The following ESCO1 variants were observed in gnomAD, a reference collection of about 807,000 sequenced individuals.
ESCO1 encodes N-acetyltransferase ESCO1.
In ESCO1, 33 loss-of-function variants were observed where a neutral mutation model predicts 83.5. The ratio of observed to expected loss-of-function variants is 0.40; its 90% CI spans 0.30 to 0.53. ESCO1 has a LOEUF of 0.53. ESCO1 is among the 20% of genes least tolerant of loss of function. ESCO1 has a pLI of 0.63. For synonymous variants in ESCO1, 332 were observed against 324.3 expected (o/e 1.02, Z -0.25); for missense variants, 855 against 968.0 (o/e 0.88, Z 1.55).
chr18:21,579,075 G>A (rs1236572481), intron 2 of ESCO1, among the ~76,000 whole-genome samples: 2 of 151,732 alleles, frequency 1.3e-5, no homozygotes, highest in Non-Finnish European at 1.5e-5. Flanking sequence ...TTGGCCAGGC[G>A]GGTCCCGAAC....
At chr18:21,535,225 T>C (rs924547281) in intron 10 of ESCO1, among the ~76,000 whole-genome samples, 2 of 152,000 alleles carry the variant, frequency 1.3e-5, no homozygotes, top group African/African-American at 4.8e-5. Context: ...TGATTTTTTT[T>C]TTTTTTTGAG....
chr18:21,594,265 C>T (rs939595182), intron 1 of ESCO1, among the ~76,000 whole-genome samples: 3 of 152,220 alleles, frequency 2.0e-5, no homozygotes, highest in African/African-American at 7.2e-5. Flanking sequence ...TAGAGCTGTA[C>T]TATTCTCAGC....
chr18:21,580,327 G>A (rs1022940945), intron 2 of ESCO1, among the ~76,000 whole-genome samples: 1 of 152,050 alleles, frequency 6.6e-6, no homozygotes, highest in Non-Finnish European at 1.5e-5. Flanking sequence ...GAAAAATCCT[G>A]ACTACATACA....
chr18:21,599,161 A>G (rs760657428), intron 1 of ESCO1, among the ~76,000 whole-genome samples: 3 of 152,184 alleles, frequency 2.0e-5, no homozygotes, highest in Non-Finnish European at 2.9e-5. Flanking sequence ...ACATGGCGAA[A>G]CGCCGTCTCA....
intron 7 of ESCO1, 125 bp from the exon 8 acceptor site, chr18:21,561,115 G>A: frequency 1.1e-6 from 1 of 885,308 alleles, no homozygotes; most frequent in Non-Finnish European, 1.5e-6. Flanking sequence ...AACATTCAAT[G>A]TTAATTACTA....
At chr18:21,535,459 T>C (rs2037824316) in intron 10 of ESCO1, among the ~76,000 whole-genome samples, 1 of 151,896 alleles carries the variant, frequency 6.6e-6, no homozygotes, top group African/African-American at 2.4e-5. Context: ...CTTGGCTCAC[T>C]GCAACCTCTG....
chr18:21,544,168 G>C (rs1270357455), intron 8 of ESCO1, among the ~76,000 whole-genome samples: 1 of 152,090 alleles, frequency 6.6e-6, no homozygotes, highest in Non-Finnish European at 1.5e-5. Context: ...CAGCTACTTG[G>C]GAGGCTGAGG....
At chr18:21,586,156 A>G (rs558802420) in intron 1 of ESCO1, among the ~76,000 whole-genome samples, 287 of 152,322 alleles carry the variant, frequency 1.9e-3, no homozygotes, top group Non-Finnish European at 3.4e-3. Flanking sequence ...TTTTATAACC[A>G]TTAATCACTT....
intron 2 of ESCO1, 35 bp from the exon 3 acceptor site, chr18:21,575,812 G>A (rs2038412004): frequency 2.5e-6 from 1 of 397,094 alleles, no homozygotes; most frequent in South Asian, 1.3e-4. Context: ...ATGTTCAAAA[G>A]GACAAAGGAA....
In ESCO1 at chr18:21,568,067, G is replaced by C. The variant is rs780205733; in HGVS notation, c.1558C>G (p.Leu520Val). 5 of 1,613,644 alleles carry C rather than the reference G, an allele frequency of 3.1e-6. No individual in the cohort carries two copies. Among genetic ancestry groups the C allele is most frequent in the Admixed American group, 1.7e-5 (1 of 59,968 alleles). ...ACATTTTCCACTGGACTGTTTTCTA[G>C]CTTGGATTCCAAACATTGGCTGAAA... ...KNFSQCLESK[L>V]ENSPVENVTA... The change falls in exon 5 of 12, where the codon CTA (leucine) becomes GTA (valine). Residue 520 changes from leucine to valine, a missense_variant. Leu to Val is a conservative substitution (Grantham distance 32). Around this residue, in one of 2 missense-constraint regions of ESCO1, gnomAD observed 726 missense variants for 699.5 expected, o/e 1.04. Transcript: ENST00000269214.
chr18:21,567,268 T>A (rs1598467138), intron 5 of ESCO1, among the ~76,000 whole-genome samples: 2 of 152,186 alleles, frequency 1.3e-5, no homozygotes, highest in East Asian at 3.8e-4. Context: ...GCAATTCTCC[T>A]GACTCTGCCT....
rs1305812862 is a variant in ESCO1 at position 21,573,428 on chromosome 18, A to G, written c.1416T>C (p.Ile472=). 3 of 1,612,054 alleles carry G rather than the reference A, an allele frequency of 1.9e-6. No individual in the cohort carries two copies. The South Asian group carries it at 3.3e-5, about 18-fold the overall frequency. ...EVKINDITVE[I]NKTTERAPEN... ...CAGGAGCCCTTTCTGTGGTTTTATTAATTTCTACTGTAATATCATTAATTT... is the reference window on the plus strand; with the variant it reads ...CAGGAGCCCTTTCTGTGGTTTTATTGATTTCTACTGTAATATCATTAATTT... The change falls in exon 4 of 12, where the codon ATT becomes ATC. Residue 472 remains isoleucine, a synonymous_variant. Transcript: ENST00000269214.
intron 8 of ESCO1, among the ~76,000 whole-genome samples, chr18:21,553,628 C>T (rs981698493): frequency 4.6e-5 from 7 of 151,804 alleles, no homozygotes; most frequent in Non-Finnish European, 8.8e-5. Flanking sequence ...AAGGCTGAGG[C>T]GGGCGGATCA....
intron 4 of ESCO1, 87 bp downstream of exon 4, chr18:21,573,227 A>C (rs1765785794): frequency 2.2e-5 from 28 of 1,289,282 alleles, no homozygotes; most frequent in Non-Finnish European, 2.9e-5. Context: ...ATCTTTTATG[A>C]CTTCATTCTT....
chr18:21,562,490 A>G (rs1181349166), intron 7 of ESCO1, among the ~76,000 whole-genome samples: 1 of 151,156 alleles, frequency 6.6e-6, no homozygotes, highest in African/African-American at 2.4e-5. Context: ...AAAATTAACA[A>G]TTAGCTGTGT....
intron 8 of ESCO1, among the ~76,000 whole-genome samples, chr18:21,549,871 G>A (rs2038023113): frequency 6.6e-6 from 1 of 151,518 alleles, no homozygotes; most frequent in Non-Finnish European, 1.5e-5. Flanking sequence ...GGAGGCTGAG[G>A]CACGAGAACT....
intron 2 of ESCO1, among the ~76,000 whole-genome samples, chr18:21,577,361 TAA>T (rs1555671990): frequency 7.6e-5 from 4 of 52,952 alleles, no homozygotes; most frequent in Admixed American, 2.5e-4. Context: ...CCATCTTTTT[TAA>T]AAAAAAAAAA....
chr18:21,533,977 A>G (rs1051764266), intron 10 of ESCO1, among the ~76,000 whole-genome samples: 1 of 152,136 alleles, frequency 6.6e-6, no homozygotes, highest in African/African-American at 2.4e-5. Flanking sequence ...ATTCACAGAC[A>G]CAAACATAGC....
chr18:21,557,206 T>C lies in ESCO1; in HGVS notation c.1953+3653A>G, dbSNP rs183981692. Among the ~76,000 whole-genome samples the C allele has an allele frequency of 6.6e-4, 101 of 152,308 alleles. No homozygotes were observed. In the Middle Eastern group the frequency reaches 0.014, roughly 21 times the overall value. On this transcript the variant is annotated intron_variant, in intron 8 of 11. Transcript: ENST00000269214. ...AAAATATTCGAGATTCTTCAAAACT[T>C]AAAAGAACAGAAAGAATAAAGTCCA...
Sources: allele counts gnomAD v4.1 joint callset (sites outside exome capture counted in the v4.1 genomes callset), GRCh38; gene constraint gnomAD v4.1.1; regional missense constraint gnomAD v4.1.1; transcripts MANE v1.5; gene names NCBI Gene and HGNC (gene_info 2026-07-23, HGNC 2026-07-21).